The following POLE variants were observed in gnomAD, a reference collection of about 807,000 sequenced individuals.
POLE encodes DNA polymerase epsilon, catalytic subunit.
POLE carries 188 observed loss-of-function variants against 279.2 expected under a neutral mutation model. The observed-to-expected ratio is 0.67, with a 90% CI of 0.60 to 0.76. The LOEUF is 0.76. Ranked by LOEUF, POLE falls within the 30% of genes least tolerant of loss-of-function variation. The pLI, the probability that POLE is intolerant of heterozygous loss-of-function variation, is 0.00. For synonymous variants in POLE, 1,214 were observed against 1,172.5 expected, an observed-to-expected ratio of 1.04 and a Z score of -0.72; for missense variants, 2,703 against 3,016.7, an observed-to-expected ratio of 0.90 and a Z score of 2.44.
chr12:132,685,673 C>A (rs1232385757), intron 1 of POLE, among the ~76,000 whole-genome samples: 2 of 152,206 alleles, frequency 1.3e-5, no homozygotes, highest in East Asian at 1.9e-4. Flanking sequence ...TGAAGCAGGG[C>A]AGTCAGTAAC....
At position 132,647,146 on chromosome 12, in the gene POLE, C is replaced by T. The variant is rs149487268; in HGVS notation, c.4149+1783G>A. Among the ~76,000 whole-genome samples, 251 of 152,148 alleles carry T rather than the reference C, an allele frequency of 1.6e-3. 1 individual carries two copies. The highest frequency in any genetic ancestry group is 5.9e-3 in the African/African-American group (246 of 41,502). ...CTACCGTGTACCTTAACATACCTAA[C>T]GTGTGTGTGTTGGGCGGGATTTGGC... On this transcript the variant is annotated intron_variant, in intron 32 of 48. Coordinates refer to ENST00000320574, the MANE Select transcript of POLE (RefSeq NM_006231.4).
intron 45 of POLE, among the ~76,000 whole-genome samples, chr12:132,629,400 T>C (rs1018875746): frequency 5.9e-5 from 9 of 152,238 alleles, no homozygotes; most frequent in Non-Finnish European, 1.0e-4. Context: ...GAAGGCTGTT[T>C]TGTCTACACG....
chr12:132,643,275 G>A lies in POLE; in HGVS notation c.4500C>T (p.Phe1500=), dbSNP rs370543622. The change falls in exon 35 of 49, where the codon TTC becomes TTT. Residue 1500 remains phenylalanine (F), a synonymous_variant. Transcript: ENST00000320574. ...TGCGCTGTGAGGGGATGAAGATCCC[G>A]AAGAGCGCTTTGTGGGCCTGTGCGT... The part of the protein sequence containing the change: ...YHHAQAHKAL[F]GIFIPSQRRA... 26 of 1,613,838 alleles carry A rather than the reference G, an allele frequency of 1.6e-5. No homozygotes were observed. The highest frequency in any genetic ancestry group is 3.3e-5 in the South Asian group (3 of 91,086).
At position 132,643,294 on chromosome 12, in the gene POLE, T is replaced by C. The variant is rs769421539; in HGVS notation, c.4481A>G (p.Gln1494Arg). The C allele has an allele frequency of 3.1e-6, 5 of 1,613,998 alleles. No individual in the cohort carries two copies. The South Asian group carries it at 5.5e-5, about 18-fold the overall frequency. Residue 1494 changes from glutamine to arginine, a missense_variant, in exon 35 of 49, where the codon CAG becomes CGG. Physicochemically the swap from Gln to Arg is conservative, Grantham distance 43 (BLOSUM62 1). Transcript: ENST00000320574. ...IRHIYLYHHA[Q>R]AHKALFGIFI... ...GATCCCGAAGAGCGCTTTGTGGGCCTGTGCGTGGTGGTACAGGTAGATATG... is the reference window on the plus strand; with the variant it reads ...GATCCCGAAGAGCGCTTTGTGGGCCCGTGCGTGGTGGTACAGGTAGATATG...
At position 132,686,660 on chromosome 12, in the gene POLE, G is replaced by C. The variant is rs1244623368; in HGVS notation, c.62+594C>G. 2.6e-5 allele frequency among the ~76,000 whole-genome samples: 4 copies of C among 152,156 alleles called. No homozygotes were observed. In the East Asian group the frequency reaches 7.8e-4, roughly 30 times the overall value. On this transcript the variant is annotated intron_variant, in intron 1 of 48. Coordinates refer to ENST00000320574, the MANE Select transcript of POLE (RefSeq NM_006231.4). Reference sequence around the variant, plus strand: ...TGAGGCAGCGGGATCGCTTGAACCCGGGAAGCAGAGGTTGCAGTGAGCCGA... The same window carrying C: ...TGAGGCAGCGGGATCGCTTGAACCCCGGAAGCAGAGGTTGCAGTGAGCCGA...
intron 12 of POLE, among the ~76,000 whole-genome samples, chr12:132,674,408 AC>A (rs2042997491): frequency 6.6e-6 from 1 of 151,692 alleles, no homozygotes; most frequent in Non-Finnish European, 1.5e-5. Flanking sequence ...GTCCCAATCT[AC>A]AGTGCGAGCC....
chr12:132,625,278 C>T (rs779132980), intron 47 of POLE: 19 of 729,006 alleles, frequency 2.6e-5, no homozygotes, highest in South Asian at 1.2e-4. Flanking sequence ...GCCTGAACGC[C>T]GTGCACCACC....
At position 132,668,490 on chromosome 12, in the gene POLE, C is replaced by T. The variant is rs763522976; in HGVS notation, c.2039G>A (p.Arg680His). 9.4e-6 allele frequency: 15 copies of T among 1,598,022 alleles called. No individual in the cohort carries two copies. The highest frequency in any genetic ancestry group is 6.7e-5 in the African/African-American group (5 of 74,508). Residue 680 changes from arginine (R) to histidine (H), a missense_variant, in exon 19 of 49, where the codon CGC (arginine) becomes CAC (histidine). By Grantham distance (29) the Arg-to-His change is conservative. Transcript: ENST00000320574. The surrounding 1 kb of genome is among the most constrained non-coding windows in gnomAD (Gnocchi z 4.0). ...QWRGEFMPAS[R>H]SEYHRIQHQL... The stretch of plus-strand genomic sequence containing the variant: ...GTGCTGGATCCGATGGTATTCGCTG[C>T]GACTGGCTGGCACTGGGAAGGAGGC...
At chr12:132,658,266 G>A (rs777153270) in intron 26 of POLE, 20 of 303,134 alleles carry the variant, frequency 6.6e-5, no homozygotes, top group Non-Finnish European at 9.5e-5. Flanking sequence ...ACATGTCTGC[G>A]TTTCTCATTG....
At chr12:132,685,816 T>A (rs1321968555) in intron 1 of POLE, among the ~76,000 whole-genome samples, 6 of 152,036 alleles carry the variant, frequency 3.9e-5, no homozygotes, top group Non-Finnish European at 4.4e-5. Flanking sequence ...GTTTCTCCTC[T>A]GGGAAGAATT....
Position 132,668,227 on chromosome 12 carries a change from A to G in POLE, c.2173+129T>C. 3.8e-6 allele frequency: 4 copies of G among 1,039,012 alleles called. No individual in the cohort carries two copies. The South Asian group carries it at 7.4e-5, about 19-fold the overall frequency. 64.4% of individuals were successfully genotyped at this position (1,039,012 alleles called of 1,614,324 possible). On this transcript the variant is annotated intron_variant, in intron 19 of 48. Transcript: ENST00000320574. This position sits in a 1 kb window ranked among gnomAD's most constrained non-coding sequence, Gnocchi z 4.0. ...GAGAGCACAGCTTACAGTGACCTAGAGCAGCTTCTGGTCTGCTGTGACAAC... is the reference window on the plus strand; with the variant it reads ...GAGAGCACAGCTTACAGTGACCTAGGGCAGCTTCTGGTCTGCTGTGACAAC...
In POLE at chr12:132,679,455, G is replaced by A. The variant is rs199685207; in HGVS notation, c.578+42C>T. On this transcript the variant is annotated intron_variant, in intron 6 of 48. Transcript: ENST00000320574. ...GTTCCTGTCTCCTATCCATCTTGTCGTTCTGAACCGCTGATGCTTTGCTCA... is the reference window on the plus strand; with the variant it reads ...GTTCCTGTCTCCTATCCATCTTGTCATTCTGAACCGCTGATGCTTTGCTCA... The A allele has an allele frequency of 4.2e-5, 66 of 1,574,552 alleles. No homozygotes were observed. The highest frequency in any genetic ancestry group is 1.8e-4 in the Middle Eastern group (1 of 5,416).
intron 16 of POLE, among the ~76,000 whole-genome samples, chr12:132,670,895 CA>C (rs1277633636): frequency 6.6e-6 from 1 of 152,184 alleles, no homozygotes; most frequent in Admixed American, 6.5e-5. Flanking sequence ...TGACAATAGC[CA>C]AACAGTGCTT....
rs770279013 is a variant in POLE, at chr12:132,625,375, C to A, written c.6657+270G>T. 1 of 737,970 alleles carries A rather than the reference C, an allele frequency of 1.4e-6. No homozygotes were observed. The highest frequency in any genetic ancestry group is 2.5e-6 in the Non-Finnish European group (1 of 400,942). The allele number at this position is 737,970 out of a possible 1,614,324, so 45.7% of individuals were successfully genotyped here. On this transcript the variant is annotated intron_variant, in intron 47 of 48. Transcript: ENST00000320574. ...TGGCCGAGCTGTGCAACTCCCTCTT[C>A]CTCCTTTCCTTCTCTTCACACTTGG...
Position 132,679,400 on chromosome 12 carries a change from C to T in POLE, c.578+97G>A. 2.4e-6 allele frequency: 3 copies of T among 1,225,478 alleles called. No homozygotes were observed. In the South Asian group the frequency reaches 4.5e-5, roughly 18 times the overall value. 75.9% of individuals were successfully genotyped at this position (1,225,478 alleles called of 1,614,324 possible). A position where few individuals can be genotyped will look rare whatever the true frequency, so the allele number is the denominator to read the frequency against. On this transcript the variant is annotated intron_variant, in intron 6 of 48. Coordinates refer to ENST00000320574, the MANE Select transcript of POLE (RefSeq NM_006231.4). ...CTCAAGTTTTCCGTATCAAACAGAG[C>T]CAGCCATTAAGGTAACTTTGTTGCT...
rs1466672527 is a variant in POLE at position 132,679,663 on chromosome 12, A to G, written c.424-12T>C. 1.2e-6 allele frequency: 2 copies of G among 1,604,622 alleles called. No individual in the cohort carries two copies. The highest frequency in any genetic ancestry group is 1.7e-6 in the Non-Finnish European group (2 of 1,171,978). ...ACCAAGTGATTTGGCTATAATGCGA[A>G]GAGATCACGCTCATTGGTTCAAGAG... On this transcript the variant is annotated splice_polypyrimidine_tract_variant and intron_variant, in intron 5 of 48. Coordinates refer to ENST00000320574, the MANE Select transcript of POLE (RefSeq NM_006231.4).
Position 132,661,822 on chromosome 12 carries a change from G to A in POLE, c.2707-138C>T. On this transcript the variant is annotated intron_variant, in intron 23 of 48. Coordinates refer to ENST00000320574, the MANE Select transcript of POLE (RefSeq NM_006231.4). This position sits in a 1 kb window ranked among gnomAD's most constrained non-coding sequence, Gnocchi z 4.1. ...AACTAACACGACTTGGCAGCAGGAA[G>A]GAAGGAAGTTCTGATGCATGCAACC... 3.5e-6 allele frequency: 3 copies of A among 845,146 alleles called. No individual in the cohort carries two copies. The South Asian group carries it at 5.3e-5, about 15-fold the overall frequency. The allele number at this position is 845,146 out of a possible 1,614,324, so 52.4% of individuals were successfully genotyped here.
rs542388294 is a variant in POLE, at chr12:132,672,341, G to T, written c.1687-19C>A. 11 of 1,593,310 alleles carry T rather than the reference G, an allele frequency of 6.9e-6. No homozygotes were observed. Among genetic ancestry groups the T allele is most frequent in the Non-Finnish European group, 9.5e-6 (11 of 1,161,258 alleles). ...CAGGATTCTAGCACAACAGTGAGAC[G>T]ACGGGGTCAGAGGGGAAACACACCC... On this transcript the variant is annotated intron_variant, in intron 15 of 48. Transcript: ENST00000320574.
chr12:132,686,560 C>G (rs1296237939), intron 1 of POLE, among the ~76,000 whole-genome samples: 1 of 151,924 alleles, frequency 6.6e-6, no homozygotes, highest in East Asian at 2.0e-4. Flanking sequence ...CATGGTGAAA[C>G]CCGGTCTCTA....
Sources: gnomAD v4.1 joint callset for allele counts (sites outside exome capture counted in the v4.1 genomes callset) on GRCh38, gnomAD v4.1.1 for gene constraint, Gnocchi (gnomAD v3.1) non-coding constraint, MANE v1.5 for transcripts, NCBI Gene and HGNC (gene_info 2026-07-23, HGNC 2026-07-21) for gene names.